EPHA7: variants seen among roughly 807,000 people sequenced by gnomAD.
The protein encoded by EPHA7 is ephrin type-A receptor 7.
EPHA7 carries 25 observed loss-of-function variants against 112.6 expected under a neutral mutation model. The observed-to-expected ratio is 0.22, with a 90% CI of 0.16 to 0.31. The LOEUF (loss-of-function observed/expected upper bound fraction) is 0.31. EPHA7 is among the 10% of genes least tolerant of loss of function. The pLI is 1.00. For synonymous variants in EPHA7, 437 were observed against 406.5 expected (o/e 1.07, Z -0.90); for missense variants, 962 against 1,212.6 (o/e 0.79, Z 3.07).
intron 5 of EPHA7, among the ~76,000 whole-genome samples, chr6:93,277,649 T>A (rs1233547833): frequency 6.6e-6 from 1 of 151,912 alleles, no homozygotes; most frequent in Non-Finnish European, 1.5e-5. Context: ...TTTGAAAAAA[T>A]CGGTGGAAGA....
intron 5 of EPHA7, among the ~76,000 whole-genome samples, chr6:93,283,733 A>G (rs1275379014): frequency 6.6e-6 from 1 of 152,092 alleles, no homozygotes; most frequent in Non-Finnish European, 1.5e-5. Context: ...CCACCTTTAA[A>G]AACTGTAACA....
intron 5 of EPHA7, among the ~76,000 whole-genome samples, chr6:93,349,695 A>G (rs1053996403): frequency 3.9e-5 from 6 of 151,900 alleles, no homozygotes; most frequent in African/African-American, 1.4e-4. Context: ...TATTTTCTCA[A>G]TATCATGTTC....
At position 93,337,975 on chromosome 6, in the gene EPHA7, G is replaced by A. The variant is rs569300089; in HGVS notation, c.1324+18742C>T. On this transcript the variant is annotated intron_variant, in intron 5 of 16. Coordinates refer to ENST00000369303, the MANE Select transcript of EPHA7 (RefSeq NM_004440.4). ...GGAGGGAGGTGAGGAAAAGAGGGAAGGAGACAAAGAAAAGGAGGGAGGGAA... is the reference window on the plus strand; with the variant it reads ...GGAGGGAGGTGAGGAAAAGAGGGAAAGAGACAAAGAAAAGGAGGGAGGGAA... 1.4e-4 allele frequency among the ~76,000 whole-genome samples: 21 copies of A among 152,088 alleles called. No individual in the cohort carries two copies. In the South Asian group the frequency reaches 4.1e-3, roughly 30 times the overall value.
At chr6:93,248,776 G>T (rs1770075123) in intron 14 of EPHA7, among the ~76,000 whole-genome samples, 1 of 152,114 alleles carries the variant, frequency 6.6e-6, no homozygotes, top group African/African-American at 2.4e-5. Flanking sequence ...ACAGCTCACT[G>T]CAGCCTTGAA....
intron 3 of EPHA7, among the ~76,000 whole-genome samples, chr6:93,386,323 C>T (rs962867572): frequency 6.6e-6 from 1 of 152,062 alleles, no homozygotes; most frequent in Non-Finnish European, 1.5e-5. Context: ...AAACCCATTC[C>T]AAATGGAAGA....
rs970843649 is a variant in EPHA7, at chr6:93,411,015, C to T, written c.318G>A (p.Leu106=). The change falls in exon 3 of 17, where the codon CTG becomes CTA. Residue 106 remains leucine (L), a synonymous_variant. Coordinates refer to ENST00000369303, the MANE Select transcript of EPHA7 (RefSeq NM_004440.4). ...CTCCAGGAAGACTGTTACAATCCCTCAGGGTGAATTTCAATTCTACAAAAA... is the reference window on the plus strand; with the variant it reads ...CTCCAGGAAGACTGTTACAATCCCTTAGGGTGAATTTCAATTCTACAAAAA... ...QRIFVELKFT[L]RDCNSLPGVL... The T allele has an allele frequency of 4.3e-6, 7 of 1,613,948 alleles. No individual in the cohort carries two copies. In the African/African-American group the frequency reaches 8.0e-5, roughly 18 times the overall value.
rs147038249 is a variant in EPHA7 at position 93,377,245 on chromosome 6, T to G, written c.833-18834A>C. ...CCTATATGCCTTCCATAACAAAGAA[T>G]GATCCTGTACAAAATGTCAATAGTG... On this transcript the variant is annotated intron_variant, in intron 3 of 16. Coordinates refer to ENST00000369303, the MANE Select transcript of EPHA7 (RefSeq NM_004440.4). Among the ~76,000 whole-genome samples, 16 of 152,270 alleles carry G rather than the reference T, an allele frequency of 1.1e-4. No individual in the cohort carries two copies. In the East Asian group the frequency reaches 3.1e-3, roughly 29 times the overall value.
Position 93,358,313 on chromosome 6 carries a change from C to G in EPHA7, c.931G>C (p.Glu311Gln). ...FSDKEGSSRCECEDGYYRAPS... is the reference protein window; with the variant it reads ...FSDKEGSSRCQCEDGYYRAPS... ...GCCCTGTAATACCCATCTTCACATT[C>G]ACATCTGGAGGAGCCTTCTTTATCA... The change falls in exon 4 of 17, where the codon GAA (glutamate) becomes CAA (glutamine). Residue 311 changes from glutamate (E) to glutamine (Q), a missense_variant. Transcript: ENST00000369303. 1.2e-6 allele frequency: 2 copies of G among 1,613,586 alleles called. No individual in the cohort carries two copies. The highest frequency in any genetic ancestry group is 1.7e-6 in the Non-Finnish European group (2 of 1,179,754).
intron 5 of EPHA7, among the ~76,000 whole-genome samples, chr6:93,303,628 C>T (rs1773105479): frequency 6.6e-6 from 1 of 152,104 alleles, no homozygotes; most frequent in Non-Finnish European, 1.5e-5. Context: ...CAAAGGCATA[C>T]ACACAATCAT....
chr6:93,244,595 T>G (rs1401402694), intron 16 of EPHA7, among the ~76,000 whole-genome samples: 1 of 152,020 alleles, frequency 6.6e-6, no homozygotes, highest in Non-Finnish European at 1.5e-5. Flanking sequence ...TAATTAGTGA[T>G]GGAGCCAGAC....
chr6:93,282,885 G>A (rs1771830762), intron 5 of EPHA7, among the ~76,000 whole-genome samples: 2 of 152,106 alleles, frequency 1.3e-5, no homozygotes, highest in African/African-American at 2.4e-5. Flanking sequence ...AGCCTCCTCC[G>A]TCCCCCTCCC....
chr6:93,297,096 A>G (rs889824698), intron 5 of EPHA7, among the ~76,000 whole-genome samples: 1 of 152,028 alleles, frequency 6.6e-6, no homozygotes, highest in Non-Finnish European at 1.5e-5. Flanking sequence ...CTTAAAAATA[A>G]AAATATAATC....
chr6:93,418,522 C>T (rs951501586), intron 1 of EPHA7, among the ~76,000 whole-genome samples: 1 of 152,224 alleles, frequency 6.6e-6, no homozygotes, highest in Non-Finnish European at 1.5e-5. Context: ...CTCCACGGCC[C>T]GACCAAGCCC....
chr6:93,387,469 T>G (rs1407308024), intron 3 of EPHA7, among the ~76,000 whole-genome samples: 1 of 152,136 alleles, frequency 6.6e-6, no homozygotes, highest in Non-Finnish European at 1.5e-5. Flanking sequence ...TGTTCAAACC[T>G]CTGCCTGTTA....
intron 5 of EPHA7, among the ~76,000 whole-genome samples, chr6:93,324,770 G>A (rs1033496888): frequency 6.6e-6 from 1 of 151,330 alleles, no homozygotes; most frequent in Non-Finnish European, 1.5e-5. Flanking sequence ...TATCACCAAG[G>A]CAAACAAACA....
chr6:93,270,941 T>A (rs897645709), intron 6 of EPHA7, among the ~76,000 whole-genome samples: 3 of 151,784 alleles, frequency 2.0e-5, no homozygotes, highest in African/African-American at 7.2e-5. Flanking sequence ...GGCCAAAAAA[T>A]GATTTGAACA....
At chr6:93,357,120 CAA>C in intron 4 of EPHA7, 68 bp from the exon 5 acceptor site, 1 of 1,287,844 alleles carries the variant, frequency 7.8e-7, no homozygotes, top group African/African-American at 1.5e-5. Context: ...ACAAAAAGAA[CAA>C]AAGGATCTGT....
At chr6:93,365,118 C>T (rs1482091695) in intron 3 of EPHA7, among the ~76,000 whole-genome samples, 1 of 152,168 alleles carries the variant, frequency 6.6e-6, no homozygotes, top group Non-Finnish European at 1.5e-5. Flanking sequence ...TCAGGTCTTA[C>T]CCCATTTCCA....
rs567541537 is a variant in EPHA7, at chr6:93,314,777, A to G, written c.1324+41940T>C. Among the ~76,000 whole-genome samples, 10 of 152,182 alleles carry G rather than the reference A, an allele frequency of 6.6e-5. No homozygotes were observed. In the East Asian group the frequency reaches 1.7e-3, roughly 26 times the overall value. On this transcript the variant is annotated intron_variant, in intron 5 of 16. Transcript: ENST00000369303. ...GAATAAATATTTCAATGATGCTTGC[A>G]AACTTTAAAAATGTTAAGTCACTAT...
Sources: gnomAD v4.1 joint callset for allele counts (sites outside exome capture counted in the v4.1 genomes callset) on GRCh38, gnomAD v4.1.1 for gene constraint, MANE v1.5 for transcripts, NCBI Gene and HGNC (gene_info 2026-07-23, HGNC 2026-07-21) for gene names.